Variants in FHAD1 observed in about 807,000 individuals in gnomAD.
FHAD1 encodes forkhead-associated domain-containing protein 1.
Under a neutral mutation model 191.3 loss-of-function variants are expected in FHAD1, and 146 were observed. The ratio of observed to expected loss-of-function variants is 0.76; its 90% CI spans 0.67 to 0.88. The LOEUF (loss-of-function observed/expected upper bound fraction) is 0.88, where lower values mean the gene tolerates loss of function less well. FHAD1 is among the 40% of genes least tolerant of loss of function. The pLI, the probability that FHAD1 is intolerant of heterozygous loss-of-function variation, is 0.00. For synonymous variants in FHAD1, 616 were observed against 672.3 expected (o/e 0.92, Z 1.29); for missense variants, 1,635 against 1,785.8 (o/e 0.92, Z 1.52).
At chr1:15,392,526 G>A (rs1025943784) in intron 33 of FHAD1, among the ~76,000 whole-genome samples, 3 of 150,954 alleles carry the variant, frequency 2.0e-5, no homozygotes, top group Non-Finnish European at 4.4e-5. Context: ...GCGAGACTCC[G>A]TCTCGAAAAA....
chr1:15,338,602 C>T (rs918196837), intron 14 of FHAD1, among the ~76,000 whole-genome samples: 3 of 152,164 alleles, frequency 2.0e-5, no homozygotes, highest in Non-Finnish European at 1.5e-5. Flanking sequence ...GACCTGGAAT[C>T]GTAGGGGGTC....
chr1:15,351,945 C>T (rs939626949), intron 19 of FHAD1, among the ~76,000 whole-genome samples: 1 of 152,110 alleles, frequency 6.6e-6, no homozygotes, highest in African/African-American at 2.4e-5. Flanking sequence ...ACACACACCT[C>T]GAGTCTCATA....
At chr1:15,368,135 C>A (rs748827418) in intron 25 of FHAD1, among the ~76,000 whole-genome samples, 1 of 152,078 alleles carries the variant, frequency 6.6e-6, no homozygotes, top group Non-Finnish European at 1.5e-5. Flanking sequence ...CCAGGCCTGG[C>A]TAATTTTTTT....
chr1:15,323,609 C>A (rs1677112102), intron 10 of FHAD1, among the ~76,000 whole-genome samples: 1 of 152,174 alleles, frequency 6.6e-6, no homozygotes, highest in African/African-American at 2.4e-5. Flanking sequence ...ATCCTCTCAT[C>A]TAGGAGAGTT....
chr1:15,354,848 G>A (rs1692181208), intron 20 of FHAD1, among the ~76,000 whole-genome samples: 1 of 152,136 alleles, frequency 6.6e-6, no homozygotes, highest in Non-Finnish European at 1.5e-5. Context: ...TCTCCTAAGG[G>A]TCATTACTTA....
intron 1 of FHAD1, among the ~76,000 whole-genome samples, chr1:15,250,256 G>T (rs1354771874): frequency 6.6e-6 from 1 of 152,184 alleles, no homozygotes; most frequent in South Asian, 2.1e-4. Context: ...ATCTCAAATC[G>T]GATTCAAGCA....
intron 14 of FHAD1, among the ~76,000 whole-genome samples, chr1:15,333,678 G>C (rs537753918): frequency 1.3e-5 from 2 of 152,198 alleles, no homozygotes; most frequent in East Asian, 3.9e-4. Context: ...TGCGTTTCTA[G>C]CTCCTAAGAG....
At chr1:15,259,579 C>T (rs990998499) in intron 2 of FHAD1, among the ~76,000 whole-genome samples, 2 of 152,188 alleles carry the variant, frequency 1.3e-5, no homozygotes, top group Non-Finnish European at 1.5e-5. Flanking sequence ...AGTGGGAAAT[C>T]CCACAGTTTG....
At chr1:15,328,485 T>C in intron 13 of FHAD1, 56 bp downstream of exon 13, 2 of 1,322,928 alleles carry the variant, frequency 1.5e-6, no homozygotes, top group Non-Finnish European at 2.0e-6. Context: ...TTTGTGCGGC[T>C]TATTTGGGAA....
intron 23 of FHAD1, 46 bp from the exon 24 acceptor site, chr1:15,365,781 A>G (rs1183837706): frequency 7.3e-6 from 9 of 1,237,014 alleles, no homozygotes; most frequent in Non-Finnish European, 9.3e-6. Flanking sequence ...AGGAGATAAC[A>G]TGGAGTTTGA....
chr1:15,264,311 C>T (rs563987573), intron 2 of FHAD1, among the ~76,000 whole-genome samples: 30 of 152,186 alleles, frequency 2.0e-4, no homozygotes, highest in African/African-American at 4.1e-4. Flanking sequence ...TAATTTCTTT[C>T]GGCAACATTG....
Position 15,327,809 on chromosome 1 carries a change from G to A in FHAD1, c.1558-468G>A, listed in dbSNP as rs1679372833. On this transcript the variant is annotated intron_variant, in intron 12 of 33. Coordinates refer to ENST00000688493, the MANE Select transcript of FHAD1 (RefSeq NM_001391957.1). This position sits in a 1 kb window ranked among gnomAD's most constrained non-coding sequence, Gnocchi z 5.1. ...AGCACTTTGAGAGGCCGAGGCGGGT[G>A]GATCACCTCAGGTCGGGAGTTCGAA... 1 of 152,324 alleles carries A rather than the reference G, an allele frequency of 6.6e-6. No individual in the cohort carries two copies. Among genetic ancestry groups the A allele is most frequent in the Non-Finnish European group, 1.5e-5 (1 of 68,196 alleles). 9.4% of individuals were successfully genotyped at this position (152,324 alleles called of 1,614,324 possible). A position where few individuals can be genotyped will look rare whatever the true frequency, so the allele number is the denominator to read the frequency against.
chr1:15,252,720 C>A (rs537167642), intron 2 of FHAD1, among the ~76,000 whole-genome samples: 1 of 152,340 alleles, frequency 6.6e-6, no homozygotes, highest in Non-Finnish European at 1.5e-5. Flanking sequence ...CTGCCGTGGG[C>A]CCCTCAGAGG....
At position 15,301,299 on chromosome 1, in the gene FHAD1, A is replaced by G. The variant is rs1324768496; in HGVS notation, c.773A>G (p.Gln258Arg). 1 of 1,551,822 alleles carries G rather than the reference A, an allele frequency of 6.4e-7. No homozygotes were observed. The highest frequency in any genetic ancestry group is 1.2e-5 in the South Asian group (1 of 84,066). ...AAAGACGTCATAATAGCAAACCTGC[A>G]GAATGAAGTGGCTGAGCTGAGTCAG... ...KYKDVIIANL[Q>R]NEVAELSQKV... Residue 258 changes from glutamine (Q) to arginine (R), a missense_variant, in exon 6 of 34, where the codon CAG (glutamine) becomes CGG (arginine). Transcript: ENST00000688493.
chr1:15,375,317 G>A (rs534440727), intron 27 of FHAD1, among the ~76,000 whole-genome samples: 129 of 152,136 alleles, frequency 8.5e-4, no homozygotes, highest in Non-Finnish European at 1.7e-3. Context: ...TCTAGGACCT[G>A]GAAGCCTGGG....
chr1:15,394,097 C>A (rs540690003), intron 33 of FHAD1, among the ~76,000 whole-genome samples: 2 of 152,292 alleles, frequency 1.3e-5, no homozygotes, highest in South Asian at 4.1e-4. Context: ...GGGTGAGGCA[C>A]GTGGTTCCAA....
intron 4 of FHAD1, among the ~76,000 whole-genome samples, chr1:15,291,289 C>T (rs1292047609): frequency 6.6e-6 from 1 of 151,790 alleles, no homozygotes; most frequent in Non-Finnish European, 1.5e-5. Flanking sequence ...GCCATGTTGG[C>T]CAGGCTGGTC....
At chr1:15,366,284 CAA>C (rs35252287) in intron 24 of FHAD1, among the ~76,000 whole-genome samples, 5 of 44,444 alleles carry the variant, frequency 1.1e-4, no homozygotes, top group Admixed American at 2.6e-4. Flanking sequence ...GACTCTGTCT[CAA>C]AAAAAAAAAA....
rs553239883 is a variant in FHAD1 at position 15,358,140 on chromosome 1, G to A, written c.2593G>A (p.Val865Ile). The change falls in exon 21 of 34, where the codon GTT becomes ATT. Residue 865 changes from valine to isoleucine, a missense_variant. Coordinates refer to ENST00000688493, the MANE Select transcript of FHAD1 (RefSeq NM_001391957.1). ...ELELKEQKEDVLNNKLSDALA... is the reference protein window; with the variant it reads ...ELELKEQKEDILNNKLSDALA... Reference sequence around the variant, plus strand: ...AGAATTAAAAGAGCAAAAAGAGGACGTTTTAAATAATAAATTAAGTGACGC... The same window carrying A: ...AGAATTAAAAGAGCAAAAAGAGGACATTTTAAATAATAAATTAAGTGACGC... The A allele has an allele frequency of 4.5e-5, 68 of 1,514,200 alleles. No individual in the cohort carries two copies. The highest frequency in any genetic ancestry group is 9.9e-5 in the African/African-American group (7 of 70,474). 93.8% of individuals were successfully genotyped at this position (1,514,200 alleles called of 1,614,324 possible). A position where few individuals can be genotyped will look rare whatever the true frequency, so the allele number is the denominator to read the frequency against.
Sources: gnomAD v4.1 joint callset for allele counts (sites outside exome capture counted in the v4.1 genomes callset) on GRCh38, gnomAD v4.1.1 for gene constraint, Gnocchi (gnomAD v3.1) non-coding constraint, MANE v1.5 for transcripts, NCBI Gene and HGNC (gene_info 2026-07-23, HGNC 2026-07-21) for gene names.